Variants in CADM2 observed in about 807,000 individuals in gnomAD.
CADM2 encodes the protein immunoglobulin superfamily member 4D.
In CADM2, 12 loss-of-function variants were observed where a neutral mutation model predicts 49.8. That is an observed-to-expected ratio of 0.24 (90% CI 0.15 to 0.39). CADM2 has a LOEUF of 0.39. CADM2 is among the 10% of genes least tolerant of loss of function. The probability of loss-of-function intolerance (pLI) is 1.00; values close to 1 mark genes in which losing one functional copy is unlikely to be tolerated. For synonymous variants in CADM2, 214 were observed against 175.4 expected (o/e 1.22, Z -1.74); for missense variants, 378 against 492.3 (o/e 0.77, Z 2.20).
At chr3:85,557,650 T>C (rs1413186111) in intron 1 of CADM2, among the ~76,000 whole-genome samples, 1 of 152,106 alleles carries the variant, frequency 6.6e-6, no homozygotes, top group Admixed American at 6.6e-5. Flanking sequence ...AGTTTTACAC[T>C]GTTGTGATAA....
chr3:85,732,752 G>T (rs2067984969), intron 2 of CADM2, among the ~76,000 whole-genome samples: 1 of 152,126 alleles, frequency 6.6e-6, no homozygotes, highest in South Asian at 2.1e-4. Flanking sequence ...AACCCTCTGA[G>T]ATAGGTACCA....
chr3:85,445,691 A>C (rs951505234), intron 1 of CADM2, among the ~76,000 whole-genome samples: 6 of 152,170 alleles, frequency 3.9e-5, no homozygotes, highest in African/African-American at 1.4e-4. Flanking sequence ...TCAAGGAATT[A>C]ATAGTGGGAG....
At chr3:85,619,993 G>T (rs186452429) in intron 1 of CADM2, among the ~76,000 whole-genome samples, 2 of 152,166 alleles carry the variant, frequency 1.3e-5, no homozygotes, top group Admixed American at 1.3e-4. Context: ...GTGATGAAAT[G>T]TCTTTTCATG....
chr3:85,924,975 T>C (rs1719639747), intron 6 of CADM2, among the ~76,000 whole-genome samples: 1 of 152,216 alleles, frequency 6.6e-6, no homozygotes, highest in African/African-American at 2.4e-5. Context: ...TCTAGATGCC[T>C]CATATATAGC....
intron 1 of CADM2, among the ~76,000 whole-genome samples, chr3:85,162,474 A>G (rs1474528358): frequency 2.6e-5 from 4 of 152,140 alleles, no homozygotes; most frequent in Non-Finnish European, 5.9e-5. Context: ...ACCTTTTAAT[A>G]TAAAAATTCT....
intron 1 of CADM2, among the ~76,000 whole-genome samples, chr3:85,036,094 T>A (rs987943264): frequency 6.6e-6 from 1 of 152,140 alleles, no homozygotes; most frequent in African/African-American, 2.4e-5. Flanking sequence ...AAAGGACATA[T>A]AAGAATGTTA....
intron 1 of CADM2, among the ~76,000 whole-genome samples, chr3:85,378,844 A>G (rs972684295): frequency 2.6e-5 from 4 of 152,002 alleles, no homozygotes; most frequent in African/African-American, 9.7e-5. Flanking sequence ...CTATGAAATG[A>G]AACGCTACCT....
intron 1 of CADM2, among the ~76,000 whole-genome samples, chr3:85,543,181 AC>A (rs1382370918): frequency 6.6e-6 from 1 of 152,124 alleles, no homozygotes; most frequent in Non-Finnish European, 1.5e-5. Context: ...AATGTACAAA[AC>A]AACAGGTACC....
At chr3:85,454,133 T>C (rs1358268246) in intron 1 of CADM2, among the ~76,000 whole-genome samples, 1 of 152,026 alleles carries the variant, frequency 6.6e-6, no homozygotes, top group African/African-American at 2.4e-5. Context: ...GACGGGCAGA[T>C]CACCTGAGGG....
chr3:85,157,301 G>A (rs1576004597), intron 1 of CADM2, among the ~76,000 whole-genome samples: 1 of 150,796 alleles, frequency 6.6e-6, no homozygotes, highest in Non-Finnish European at 1.5e-5. Context: ...TCCCCATCAA[G>A]CTACCAATGC....
At chr3:85,643,320 A>G (rs1175266676) in intron 1 of CADM2, among the ~76,000 whole-genome samples, 1 of 152,192 alleles carries the variant, frequency 6.6e-6, no homozygotes, top group Non-Finnish European at 1.5e-5. Context: ...ATCCTAGAAA[A>G]TATTTTTTAT....
At chr3:85,461,164 C>G (rs904295204) in intron 1 of CADM2, among the ~76,000 whole-genome samples, 22 of 151,976 alleles carry the variant, frequency 1.4e-4, no homozygotes, top group African/African-American at 5.1e-4. Context: ...CTCATGTTTT[C>G]GCATGAGATG....
chr3:85,635,293 T>C (rs543921144), intron 1 of CADM2, among the ~76,000 whole-genome samples: 2 of 152,098 alleles, frequency 1.3e-5, no homozygotes, highest in Non-Finnish European at 2.9e-5. Flanking sequence ...ATCTTCTTTT[T>C]CCAAATTTTT....
At chr3:85,617,384 A>G (rs1229913963) in intron 1 of CADM2, among the ~76,000 whole-genome samples, 1 of 152,136 alleles carries the variant, frequency 6.6e-6, no homozygotes, top group East Asian at 1.9e-4. Context: ...CAGCCAGATA[A>G]AGCAATACAT....
chr3:85,467,830 A>G (rs1426859793), intron 1 of CADM2, among the ~76,000 whole-genome samples: 5 of 152,162 alleles, frequency 3.3e-5, no homozygotes, highest in African/African-American at 1.2e-4. Flanking sequence ...GTGTGAAAGC[A>G]CAGCAGGTCC....
intron 1 of CADM2, among the ~76,000 whole-genome samples, chr3:84,979,299 T>G (rs1003978430): frequency 1.1e-4 from 17 of 152,194 alleles, no homozygotes; most frequent in Non-Finnish European, 1.5e-5. Flanking sequence ...GTTTGCTGCT[T>G]GTAAAATGGA....
intron 8 of CADM2, chr3:85,979,268 A>T (rs767699662): frequency 6.2e-7 from 1 of 1,610,268 alleles, no homozygotes; most frequent in Non-Finnish European, 8.5e-7. Flanking sequence ...ATCTGCAACA[A>T]CCAGCAGCAT....
chr3:85,440,989 G>C (rs564699462), intron 1 of CADM2, among the ~76,000 whole-genome samples: 1 of 151,756 alleles, frequency 6.6e-6, no homozygotes, highest in Non-Finnish European at 1.5e-5. Context: ...ATAATAAAAA[G>C]ACATATTTTA....
chr3:85,544,678 G>A (rs962919757), intron 1 of CADM2, among the ~76,000 whole-genome samples: 1 of 152,144 alleles, frequency 6.6e-6, no homozygotes, highest in African/African-American at 2.4e-5. Context: ...CAAAGAAGAT[G>A]CAACGAAATA....
Sources: allele counts gnomAD v4.1 joint callset (sites outside exome capture counted in the v4.1 genomes callset), GRCh38; gene constraint gnomAD v4.1.1; transcripts MANE v1.5; gene names NCBI Gene and HGNC (gene_info 2026-07-23, HGNC 2026-07-21).